CRYBB1: variants seen among roughly 807,000 people sequenced by gnomAD.
CRYBB1 encodes the protein crystallin beta B1.
CRYBB1 carries 16 observed loss-of-function variants against 29.5 expected under a neutral mutation model. That is an observed-to-expected ratio of 0.54 (90% CI 0.37 to 0.82). The LOEUF is 0.82. CRYBB1 is among the 40% of genes least tolerant of loss of function. The pLI, the probability that CRYBB1 is intolerant of heterozygous loss-of-function variation, is 0.00. For synonymous variants in CRYBB1, 127 were observed against 136.7 expected (o/e 0.93, Z 0.49); for missense variants, 300 against 350.5 (o/e 0.86, Z 1.15).
At chr22:26,599,815 C>T (rs1208723349) in intron 5 of CRYBB1, 142 bp from the exon 6 acceptor site, 2 of 736,024 alleles carry the variant, frequency 2.7e-6, no homozygotes, top group African/African-American at 1.7e-5. Flanking sequence ...TCCCTTCCTG[C>T]TCTGTGCCCT....
intron 1 of CRYBB1, among the ~76,000 whole-genome samples, chr22:26,616,564 C>A (rs975258011): frequency 1.3e-5 from 2 of 152,230 alleles, no homozygotes; most frequent in African/African-American, 4.8e-5. Flanking sequence ...TTTGACCATG[C>A]GGTTCCCTCC....
Position 26,602,004 on chromosome 22 carries a change from T to A in CRYBB1, c.450A>T (p.Lys150Asn), listed in dbSNP as rs1928836276. The change falls in exon 5 of 6, where the codon AAA becomes AAT. Residue 150 changes from lysine (K) to asparagine (N), a missense_variant. Physicochemically the swap from Lys to Asn is moderately conservative, Grantham distance 94 (BLOSUM62 0). Coordinates refer to ENST00000647684, the MANE Select transcript of CRYBB1 (RefSeq NM_001887.4). ...RPIKMDAQEH[K>N]ISLFEGANFK... Reference sequence around the variant, plus strand: ...AGTTGGCCCCTTCAAACAGGGAGATTTTGTGCTCCTGGGCATCCTGGGGAA... The same window carrying A: ...AGTTGGCCCCTTCAAACAGGGAGATATTGTGCTCCTGGGCATCCTGGGGAA... 30 of 1,613,746 alleles carry A rather than the reference T, an allele frequency of 1.9e-5. No homozygotes were observed. The highest frequency in any genetic ancestry group is 2.3e-5 in the Non-Finnish European group (27 of 1,179,872).
At chr22:26,609,367 T>A (rs1929086259) in intron 3 of CRYBB1, among the ~76,000 whole-genome samples, 1 of 152,094 alleles carries the variant, frequency 6.6e-6, no homozygotes, top group East Asian at 1.9e-4. Flanking sequence ...GAGAAATAAA[T>A]GGGAGAATAG....
rs997806440 is a variant in CRYBB1, at chr22:26,600,464, A to C, written c.576-791T>G. ...ATCAGTGCGTAGCAGCTGGGAACAC[A>C]TACTCTGGTATCAAATATATGTGGG... On this transcript the variant is annotated intron_variant, in intron 5 of 5. Transcript: ENST00000647684. Among the ~76,000 whole-genome samples, 5 of 152,312 alleles carry C rather than the reference A, an allele frequency of 3.3e-5. No individual in the cohort carries two copies. The East Asian group carries it at 7.7e-4, about 23-fold the overall frequency.
chr22:26,611,935 T>C, intron 3 of CRYBB1, 137 bp downstream of exon 3: 7 of 733,222 alleles, frequency 9.5e-6, no homozygotes, highest in Non-Finnish European at 1.8e-5. Context: ...CAGTTTGATA[T>C]GAGGATTGGA....
intron 5 of CRYBB1, among the ~76,000 whole-genome samples, chr22:26,600,454 C>T (rs1403893744): frequency 2.6e-5 from 4 of 152,060 alleles, no homozygotes. Context: ...TGCGTAGCAG[C>T]TGGGAACACA....
At chr22:26,608,976 T>C (rs1258818017) in intron 3 of CRYBB1, among the ~76,000 whole-genome samples, 2 of 152,132 alleles carry the variant, frequency 1.3e-5, no homozygotes, top group African/African-American at 4.8e-5. Flanking sequence ...GGACAAGAAG[T>C]GAGCTTGTGT....
intron 4 of CRYBB1, 135 bp from the exon 5 acceptor site, chr22:26,602,156 G>A: frequency 9.0e-7 from 1 of 1,113,172 alleles, no homozygotes; most frequent in Non-Finnish European, 1.3e-6. Flanking sequence ...AGGGACCACT[G>A]CTGTCTAGTC....
Position 26,602,187 on chromosome 22 carries a change from A to G in CRYBB1, c.433-166T>C, listed in dbSNP as rs537127190. On this transcript the variant is annotated intron_variant, in intron 4 of 5. Coordinates refer to ENST00000647684, the MANE Select transcript of CRYBB1 (RefSeq NM_001887.4). ...TAGTCTGGAAGGAGACATAAGGAAA[A>G]TGGGATGACAACTCCCACGTCATAG... 2.2e-4 allele frequency among the ~76,000 whole-genome samples: 34 copies of G among 152,252 alleles called. No individual in the cohort carries two copies. The South Asian group carries it at 6.8e-3, about 31-fold the overall frequency.
At chr22:26,615,662 C>T (rs559757602) in intron 2 of CRYBB1, among the ~76,000 whole-genome samples, 1 of 152,048 alleles carries the variant, frequency 6.6e-6, no homozygotes, top group Non-Finnish European at 1.5e-5. Context: ...TACAGGCGCC[C>T]ACCACTACGC....
At chr22:26,608,358 A>G (rs1294389046) in intron 3 of CRYBB1, among the ~76,000 whole-genome samples, 3 of 152,230 alleles carry the variant, frequency 2.0e-5, no homozygotes, top group African/African-American at 7.2e-5. Context: ...TTCAAGTACT[A>G]TCAGGACTTG....
At chr22:26,616,070 A>T in intron 2 of CRYBB1, 70 bp downstream of exon 2, 1 of 1,196,666 alleles carries the variant, frequency 8.4e-7, no homozygotes, top group Non-Finnish European at 1.3e-6. Flanking sequence ...GAGGAGGAGG[A>T]GAAGAAGGAG....
chr22:26,600,201 A>T (rs1345307300), intron 5 of CRYBB1, among the ~76,000 whole-genome samples: 1 of 152,164 alleles, frequency 6.6e-6, no homozygotes, highest in African/African-American at 2.4e-5. Flanking sequence ...GGAGATCGAG[A>T]CCATCCTGGT....
chr22:26,611,454 GT>G (rs751632589), intron 3 of CRYBB1, among the ~76,000 whole-genome samples: 5 of 142,696 alleles, frequency 3.5e-5, no homozygotes, highest in Non-Finnish European at 7.7e-5. Context: ...GCTAGAGTTT[GT>G]TTTTTTTTTT....
chr22:26,613,970 G>A (rs948356314), intron 2 of CRYBB1, among the ~76,000 whole-genome samples: 2 of 152,134 alleles, frequency 1.3e-5, no homozygotes, highest in African/African-American at 2.4e-5. Context: ...TCTTATGGTC[G>A]ACGCTGCAGA....
chr22:26,616,370 A>T (rs765950844), intron 1 of CRYBB1, 32 bp from the exon 2 acceptor site: 1 of 1,487,774 alleles, frequency 6.7e-7, no homozygotes, highest in South Asian at 1.1e-5. Flanking sequence ...CAGGGATGAC[A>T]CCCCCAAACT....
rs1381755690 is a variant in CRYBB1, at chr22:26,607,924, T to C, written c.397A>G (p.Ser133Gly). ...RWNTWSSSYRSDRLMSFRPIK... is the reference protein window; with the variant it reads ...RWNTWSSSYRGDRLMSFRPIK... ...GGCCGGAAGGACATGAGCCGATCAC[T>C]GCGGTAGCTGCTCGACCATGTGTTC... Residue 133 changes from serine (S) to glycine (G), a missense_variant, in exon 4 of 6, where the codon AGT becomes GGT. Ser to Gly is a moderately conservative substitution (Grantham distance 56). Coordinates refer to ENST00000647684, the MANE Select transcript of CRYBB1 (RefSeq NM_001887.4). 6.2e-7 allele frequency: 1 copy of C among 1,614,220 alleles called. No individual in the cohort carries two copies. Among genetic ancestry groups the C allele is most frequent in the East Asian group, 2.2e-5 (1 of 44,892 alleles).
rs560609107 is a variant in CRYBB1, at chr22:26,599,871, A to G, written c.576-198T>C. On this transcript the variant is annotated intron_variant, in intron 5 of 5. Transcript: ENST00000647684. The stretch of plus-strand genomic sequence containing the variant: ...CTGATAGGCCTCGGTTTCCTTTTCT[A>G]GGAAGTGAGCATGGTCACGGTGCCT... 2.6e-5 allele frequency among the ~76,000 whole-genome samples: 4 copies of G among 152,334 alleles called. No homozygotes were observed. In the South Asian group the frequency reaches 8.3e-4, roughly 32 times the overall value.
chr22:26,612,828 T>G (rs1248100961), intron 2 of CRYBB1, among the ~76,000 whole-genome samples: 1 of 152,222 alleles, frequency 6.6e-6, no homozygotes, highest in East Asian at 1.9e-4. Context: ...CAGCTCGTTA[T>G]TCTGTTTTAG....
Sources: allele counts gnomAD v4.1 joint callset (sites outside exome capture counted in the v4.1 genomes callset), GRCh38; gene constraint gnomAD v4.1.1; transcripts MANE v1.5; gene names NCBI Gene and HGNC (gene_info 2026-07-23, HGNC 2026-07-21).